Variants in USP9X observed in about 807,000 individuals in gnomAD.
USP9X encodes the protein ubiquitin carboxyl-terminal hydrolase 9X.
A neutral mutation model predicts 190.3 loss-of-function variants in USP9X; 7 were observed. That is an observed-to-expected ratio of 0.04 (90% CI 0.02 to 0.07). The LOEUF is 0.07. USP9X is among the 10% of genes least tolerant of loss of function. The pLI, the probability that USP9X is intolerant of heterozygous loss-of-function variation, is 1.00. For missense variants in USP9X, 1,010 were observed against 1,916.9 expected (o/e 0.53, Z 8.83); for synonymous variants, 645 against 659.5 (o/e 0.98, Z 0.34).
chrX:41,164,083 G>A (rs549371159), intron 15 of USP9X, among the ~76,000 whole-genome samples: 1 of 111,077 alleles, frequency 9.0e-6, no homozygotes, highest in East Asian at 2.8e-4. Flanking sequence ...ATGTTGGCCA[G>A]GATGGTCTCT....
chrX:41,125,684 A>ACACACACACACACT lies in USP9X; in HGVS notation c.96+1961_96+1962insACACACACACACTC. On this transcript the variant is annotated intron_variant, in intron 2 of 44. Transcript: ENST00000378308. Reference sequence around the variant, plus strand: ...CACACACACACACACACACACACACACTCTCTCTCTCTCTCTCTCTCTCTC... The same window carrying ACACACACACACACT: ...CACACACACACACACACACACACACACACACACACACACTCTCTCTCTCTCTCTCTCTCTCTCTC... 5.7e-3 allele frequency among the ~76,000 whole-genome samples: 108 copies of ACACACACACACACT among 19,005 alleles called. 1 individual carries two copies. Among genetic ancestry groups the ACACACACACACACT allele is most frequent in the Non-Finnish European group, 7.0e-3 (78 of 11,137 alleles). The allele number at this position is 19,005 out of a possible 115,157, so 16.5% of individuals were successfully genotyped here.
rs1453498218 is a variant in USP9X, at chrX:41,233,496, G to A, written c.*972G>A. The A allele has an allele frequency of 1.8e-5, 2 of 112,130 alleles. No individual in the cohort carries two copies. The highest frequency in any genetic ancestry group is 3.8e-5 in the Non-Finnish European group (2 of 53,231). 9.2% of individuals were successfully genotyped at this position (112,130 alleles called of 1,213,427 possible). A position where few individuals can be genotyped will look rare whatever the true frequency, so the allele number is the denominator to read the frequency against. The stretch of plus-strand genomic sequence containing the variant: ...GGAGCATAATATAAGACTGTATTTG[G>A]TGTGCTTGTTTTGTTTCTTTGGTAG... On this transcript the variant is annotated 3_prime_UTR_variant, in exon 45 of 45. Transcript: ENST00000378308.
Position 41,213,487 on chromosome X carries a change from G to A in USP9X, c.5190-1081G>A, listed in dbSNP as rs371923799. Reference sequence around the variant, plus strand: ...CTAAAGCTATGATGTTTGGTAGGTTGGGTGTATTAAATGCATTTTCAGCTT... The same window carrying A: ...CTAAAGCTATGATGTTTGGTAGGTTAGGTGTATTAAATGCATTTTCAGCTT... On this transcript the variant is annotated intron_variant, in intron 33 of 44. Transcript: ENST00000378308. Among the ~76,000 whole-genome samples the A allele has an allele frequency of 1.2e-4, 13 of 111,809 alleles. No homozygotes were observed. The East Asian group carries it at 3.3e-3, about 29-fold the overall frequency.
At chrX:41,189,044 A>G (rs978366095) in intron 25 of USP9X, among the ~76,000 whole-genome samples, 3 of 112,267 alleles carry the variant, frequency 2.7e-5, no homozygotes, top group African/African-American at 9.7e-5. Context: ...ACAACTCAGA[A>G]GGTCTCAAAA....
chrX:41,199,710 T>C (rs766038487), intron 30 of USP9X, among the ~76,000 whole-genome samples: 40 of 112,068 alleles, frequency 3.6e-4, no homozygotes, highest in Non-Finnish European at 6.8e-4. Flanking sequence ...ATTACAGGTG[T>C]GAGCCACCGC....
At chrX:41,154,856 C>A (rs993378188) in intron 14 of USP9X, among the ~76,000 whole-genome samples, 2 of 110,982 alleles carry the variant, frequency 1.8e-5, no homozygotes, top group African/African-American at 6.6e-5. Context: ...TTACACTACT[C>A]TTGATTAATA....
chrX:41,170,663 C>CT (rs751160189), intron 20 of USP9X, 44 bp downstream of exon 20: 14 of 1,147,402 alleles, frequency 1.2e-5, no homozygotes, highest in Non-Finnish European at 2.3e-6. Flanking sequence ...AGGCATCATG[C>CT]TAGGGTTTTT....
chrX:41,209,029 A>G (rs1317857823), intron 32 of USP9X, among the ~76,000 whole-genome samples: 1 of 111,592 alleles, frequency 9.0e-6, no homozygotes, highest in East Asian at 2.8e-4. Flanking sequence ...GTTGATAGTG[A>G]AGTTGCAAAC....
rs1453357176 is a variant in USP9X, at chrX:41,236,546, G to A, written c.*4022G>A. On this transcript the variant is annotated 3_prime_UTR_variant, in exon 45 of 45. Coordinates refer to ENST00000378308, the MANE Select transcript of USP9X (RefSeq NM_001039591.3). ...GATTGTTCACAGTTCCTAAGATTTA[G>A]CACATATACAAAAATAAAACTTTAT... 2 of 112,303 alleles carry A rather than the reference G, an allele frequency of 1.8e-5. No individual in the cohort carries two copies. Among genetic ancestry groups the A allele is most frequent in the Non-Finnish European group, 3.8e-5 (2 of 53,181 alleles). The allele number at this position is 112,303 out of a possible 1,213,427, so 9.3% of individuals were successfully genotyped here.
chrX:41,218,998 A>G lies in USP9X; in HGVS notation c.6436-104A>G, dbSNP rs982172650. 7 of 850,267 alleles carry G rather than the reference A, an allele frequency of 8.2e-6. No homozygotes were observed. In the African/African-American group the frequency reaches 8.4e-5, roughly 10 times the overall value. 70.1% of individuals were successfully genotyped at this position (850,267 alleles called of 1,213,427 possible). Reference sequence around the variant, plus strand: ...TTTAGTTTGTGTGATCAGTCCTTCCATAAATGTATGCCTGTATCAGCATAT... The same window carrying G: ...TTTAGTTTGTGTGATCAGTCCTTCCGTAAATGTATGCCTGTATCAGCATAT... On this transcript the variant is annotated intron_variant, in intron 37 of 44. Transcript: ENST00000378308.
chrX:41,097,205 T>G (rs2061998178), intron 1 of USP9X, among the ~76,000 whole-genome samples: 1 of 112,333 alleles, frequency 8.9e-6, no homozygotes, highest in South Asian at 3.6e-4. Context: ...ATCTGCAGTC[T>G]AGTGCTTTAA....
intron 26 of USP9X, 163 bp downstream of exon 26, chrX:41,189,638 T>C: frequency 2.2e-6 from 1 of 446,636 alleles, no homozygotes; most frequent in Non-Finnish European, 3.6e-6. Flanking sequence ...AACCTAAATG[T>C]TTGGTTTTAG....
Position 41,102,497 on chromosome X carries a change from C to G in USP9X, c.-159+16388C>G, listed in dbSNP as rs185325173. On this transcript the variant is annotated intron_variant, in intron 1 of 44. Coordinates refer to ENST00000378308, the MANE Select transcript of USP9X (RefSeq NM_001039591.3). ...AATTAGCTGAGTGTGGTGGCACACA[C>G]CTGTAATCCCAGCAACTTGAGAGGG... 5.4e-4 allele frequency among the ~76,000 whole-genome samples: 60 copies of G among 111,308 alleles called. 2 individuals are homozygous for G. Among genetic ancestry groups the G allele is most frequent in the East Asian group, 4.2e-3 (15 of 3,542 alleles).
chrX:41,213,734 T>C (rs1159426256), intron 33 of USP9X, among the ~76,000 whole-genome samples: 1 of 112,376 alleles, frequency 8.9e-6, no homozygotes, highest in Non-Finnish European at 1.9e-5. Flanking sequence ...GATCTAACTT[T>C]TTTCCCTCTA....
At chrX:41,204,722 G>A (rs1008475608) in intron 31 of USP9X, among the ~76,000 whole-genome samples, 1 of 111,610 alleles carries the variant, frequency 9.0e-6, no homozygotes, top group African/African-American at 3.3e-5. Flanking sequence ...TCTACAGTAT[G>A]TAGTACAGTA....
At chrX:41,126,299 T>G (rs2062250902) in intron 2 of USP9X, among the ~76,000 whole-genome samples, 1 of 111,964 alleles carries the variant, frequency 8.9e-6, no homozygotes, top group African/African-American at 3.2e-5. Context: ...TGGACAGAGT[T>G]AAGACCTTCC....
intron 21 of USP9X, among the ~76,000 whole-genome samples, chrX:41,174,278 A>T (rs2062754136): frequency 1.8e-5 from 2 of 111,926 alleles, no homozygotes; most frequent in Admixed American, 1.9e-4. Flanking sequence ...CAAATTCCAC[A>T]TCATTTTATA....
At chrX:41,220,526 C>A (rs546380576) in intron 38 of USP9X, among the ~76,000 whole-genome samples, 4 of 112,378 alleles carry the variant, frequency 3.6e-5, no homozygotes, top group Admixed American at 9.4e-5. Flanking sequence ...CAACAACTTA[C>A]AATTGAACAC....
At chrX:41,231,387 T>C (rs2063358460) in intron 44 of USP9X, among the ~76,000 whole-genome samples, 1 of 111,677 alleles carries the variant, frequency 9.0e-6, no homozygotes, top group Non-Finnish European at 1.9e-5. Context: ...AGAAGCAAAC[T>C]GAATAGTTAG....
Sources: allele counts gnomAD v4.1 joint callset (sites outside exome capture counted in the v4.1 genomes callset), GRCh38; gene constraint gnomAD v4.1.1; transcripts MANE v1.5; gene names NCBI Gene and HGNC (gene_info 2026-07-23, HGNC 2026-07-21).